The following ARHGAP8 variants were observed in gnomAD, a reference collection of about 807,000 sequenced individuals.
ARHGAP8 encodes the protein rho GTPase-activating protein 8.
In ARHGAP8, 62 loss-of-function variants were observed where a neutral mutation model predicts 46.1. That is an observed-to-expected ratio of 1.34 (90% CI 1.10 to 1.66). The LOEUF (loss-of-function observed/expected upper bound fraction) is 1.66, where lower values mean the gene tolerates loss of function less well. Among genes scored for constraint, ARHGAP8 ranks in the 40% most tolerant of loss-of-function variants. ARHGAP8 has a pLI of 0.00. For missense variants in ARHGAP8, 923 were observed against 568.4 expected, an observed-to-expected ratio of 1.62 and a Z score of -6.34; for synonymous variants, 375 against 243.1, an observed-to-expected ratio of 1.54 and a Z score of -5.05.
chr22:44,853,419 G>A (rs909811321), intron 10 of ARHGAP8, among the ~76,000 whole-genome samples: 2 of 152,170 alleles, frequency 1.3e-5, no homozygotes, highest in African/African-American at 4.8e-5. Context: ...TCAGGGGGTA[G>A]GAGAAAACTG....
chr22:44,813,275 TACATACAC>T lies in ARHGAP8; in HGVS notation c.300-1386_300-1379del, dbSNP rs941619366. Among the ~76,000 whole-genome samples, 9 of 151,676 alleles carry T rather than the reference TACATACAC, an allele frequency of 5.9e-5. No individual in the cohort carries two copies. The South Asian group carries it at 1.5e-3, about 25-fold the overall frequency. Reference sequence around the variant, plus strand: ...ACACTTACACACACACACACACCCCTACATACACACATACACACCTGGATACAGTACAT... The same window carrying T: ...ACACTTACACACACACACACACCCCTACATACACACCTGGATACAGTACAT... On this transcript the variant is annotated intron_variant, in intron 4 of 11. Transcript: ENST00000356099.
chr22:44,781,082 G>A (rs1334959784), intron 1 of ARHGAP8, among the ~76,000 whole-genome samples: 1 of 152,176 alleles, frequency 6.6e-6, no homozygotes, highest in Non-Finnish European at 1.5e-5. Context: ...TGCGCTGCCG[G>A]CGGCTGCCGG....
chr22:44,830,923 C>T (rs1033074610), intron 7 of ARHGAP8, among the ~76,000 whole-genome samples: 4 of 152,160 alleles, frequency 2.6e-5, no homozygotes, highest in African/African-American at 7.2e-5. Flanking sequence ...TGATGCCTAA[C>T]GCTGTTGAGC....
intron 1 of ARHGAP8, among the ~76,000 whole-genome samples, chr22:44,769,666 G>A (rs1037507489): frequency 2.0e-5 from 3 of 152,092 alleles, no homozygotes; most frequent in Admixed American, 2.0e-4. Flanking sequence ...GTAAAGGTTA[G>A]GCACTTCTTT....
chr22:44,856,674 G>A (rs900953480), intron 10 of ARHGAP8, among the ~76,000 whole-genome samples: 4 of 144,316 alleles, frequency 2.8e-5, no homozygotes, highest in Admixed American at 2.7e-4. Context: ...AAAACAAGAC[G>A]AAAGGAGAAT....
chr22:44,784,508 A>G (rs1327067558), intron 1 of ARHGAP8, among the ~76,000 whole-genome samples: 1 of 152,190 alleles, frequency 6.6e-6, no homozygotes, highest in Non-Finnish European at 1.5e-5. Context: ...AATACGGGAG[A>G]ATGTGTGTAG....
At chr22:44,814,939 C>T (rs1373996851) in intron 5 of ARHGAP8, among the ~76,000 whole-genome samples, 181 bp downstream of exon 5, 2 of 152,154 alleles carry the variant, frequency 1.3e-5, no homozygotes, top group African/African-American at 2.4e-5. Context: ...AGGTCATGGA[C>T]AGGAGTGCAG....
rs140261010 is a variant in ARHGAP8 at position 44,836,101 on chromosome 22, G to A, written c.597-9168G>A. Among the ~76,000 whole-genome samples the A allele has an allele frequency of 9.6e-4, 146 of 152,266 alleles. 2 individuals are homozygous for A. The East Asian group carries it at 0.024, about 25-fold the overall frequency. On this transcript the variant is annotated intron_variant, in intron 7 of 11. Transcript: ENST00000356099. ...GCAGTTTCTCATTCCCCATCTGCCT[G>A]CAAAGAGGGGCAGCCCTGCAGATGT...
At chr22:44,811,822 C>T (rs1042201111) in intron 4 of ARHGAP8, among the ~76,000 whole-genome samples, 3 of 151,914 alleles carry the variant, frequency 2.0e-5, no homozygotes, top group Admixed American at 6.6e-5. Flanking sequence ...ATGGTGAAAC[C>T]CCATCTCTAC....
intron 10 of ARHGAP8, 66 bp from the exon 11 acceptor site, chr22:44,859,665 C>CG (rs2070368392): frequency 1.3e-6 from 2 of 1,566,724 alleles, no homozygotes; most frequent in Non-Finnish European, 1.7e-6. Flanking sequence ...GTTCTCCTCC[C>CG]GGGCCGGGAT....
rs533987297 is a variant in ARHGAP8 at position 44,778,646 on chromosome 22, T to C, written c.-71-7811T>C. Among the ~76,000 whole-genome samples the C allele has an allele frequency of 6.6e-5, 10 of 152,354 alleles. No homozygotes were observed. In the South Asian group the frequency reaches 1.9e-3, roughly 28 times the overall value. On this transcript the variant is annotated intron_variant, in intron 1 of 11. Coordinates refer to ENST00000356099, the MANE Select transcript of ARHGAP8 (RefSeq NM_181335.3). ...TGTGCTAGTTTATATTCCTGCCAGC[T>C]GTGTAGAAGTGTTCCCTGTTCACCG...
intron 1 of ARHGAP8, among the ~76,000 whole-genome samples, chr22:44,756,058 C>T (rs1040810633): frequency 5.9e-5 from 9 of 152,136 alleles, no homozygotes; most frequent in Admixed American, 1.3e-4. Flanking sequence ...GAGAAGAATG[C>T]GCTTTGTTTA....
chr22:44,805,819 C>T (rs1291444922), intron 3 of ARHGAP8, among the ~76,000 whole-genome samples: 3 of 152,332 alleles, frequency 2.0e-5, no homozygotes, highest in African/African-American at 4.8e-5. Flanking sequence ...CCATTCCAAC[C>T]GGATGGCTTT....
At chr22:44,781,679 C>G (rs11913735) in intron 1 of ARHGAP8, among the ~76,000 whole-genome samples, 17,955 of 79,498 alleles carry the variant, frequency 0.23, 1,529 homozygotes, top group African/African-American at 0.37. Flanking sequence ...CGTGCCACCA[C>G]GCCCGGCTAA....
intron 10 of ARHGAP8, among the ~76,000 whole-genome samples, chr22:44,855,429 T>C (rs1470718035): frequency 6.6e-6 from 1 of 152,094 alleles, no homozygotes; most frequent in East Asian, 1.9e-4. Flanking sequence ...CCTCCCAAAG[T>C]GCTGGGATGA....
intron 5 of ARHGAP8, among the ~76,000 whole-genome samples, chr22:44,816,876 C>T (rs376457135): frequency 1.5e-5 from 2 of 130,130 alleles, no homozygotes; most frequent in African/African-American, 2.9e-5. Context: ...TTTTTTCTTT[C>T]TTTCTTTCTT....
intron 8 of ARHGAP8, among the ~76,000 whole-genome samples, chr22:44,847,612 C>T (rs189448226): frequency 1.3e-5 from 2 of 152,320 alleles, no homozygotes. Context: ...TGGGCATCAC[C>T]GTGTCCAGTC....
At chr22:44,770,580 A>AT (rs1200440696) in intron 1 of ARHGAP8, among the ~76,000 whole-genome samples, 1 of 151,760 alleles carries the variant, frequency 6.6e-6, no homozygotes, top group African/African-American at 2.4e-5. Context: ...TAATTTTTGT[A>AT]TTTTTAGTAG....
chr22:44,827,336 G>GTTTTTTGTTTTTTTTTTT (rs1930595413), intron 7 of ARHGAP8, among the ~76,000 whole-genome samples: 1 of 67,258 alleles, frequency 1.5e-5, no homozygotes, highest in Non-Finnish European at 2.6e-5. Flanking sequence ...TTGGGTGGTG[G>GTTTTTTGTTTTTTTTTTT]TTTTTTTTTT....
Sources: gnomAD v4.1 joint callset for allele counts (sites outside exome capture counted in the v4.1 genomes callset) on GRCh38, gnomAD v4.1.1 for gene constraint, MANE v1.5 for transcripts, NCBI Gene and HGNC (gene_info 2026-07-23, HGNC 2026-07-21) for gene names.